The following UNC93A variants were observed in gnomAD, a reference collection of about 807,000 sequenced individuals.
UNC93A encodes unc-93 homolog A.
A neutral mutation model predicts 47.5 loss-of-function variants in UNC93A; 43 were observed. The observed-to-expected ratio is 0.91, with a 90% CI of 0.71 to 1.17. The LOEUF (loss-of-function observed/expected upper bound fraction) is 1.17, where lower values mean the gene tolerates loss of function less well. Ranked by LOEUF, UNC93A falls within the 50% of genes most tolerant of loss-of-function variation. The pLI is 0.00. For synonymous variants in UNC93A, 280 were observed against 258.0 expected (o/e 1.09, Z -0.82); for missense variants, 605 against 577.6 (o/e 1.05, Z -0.49).
At chr6:167,314,813 A>ATCT (rs1319523804) in intron 7 of UNC93A, among the ~76,000 whole-genome samples, 2 of 152,170 alleles carry the variant, frequency 1.3e-5, no homozygotes, top group African/African-American at 4.8e-5. Context: ...CTTTCTGGAC[A>ATCT]AAACCAATGC....
upstream of UNC93A, among the ~76,000 whole-genome samples, chr6:167,287,393 G>A (rs572008239): frequency 1.3e-5 from 2 of 152,266 alleles, no homozygotes; most frequent in South Asian, 4.1e-4. Flanking sequence ...ACTCCCTATC[G>A]TCCCACCTGC....
chr6:167,313,152 C>T (rs2115185659), intron 7 of UNC93A, among the ~76,000 whole-genome samples: 1 of 152,330 alleles, frequency 6.6e-6, no homozygotes, highest in African/African-American at 2.4e-5. Context: ...TGGCCTCCTC[C>T]ATTCTGTTTT....
chr6:167,309,020 G>C (rs1263479194), intron 7 of UNC93A, among the ~76,000 whole-genome samples: 1 of 152,112 alleles, frequency 6.6e-6, no homozygotes, highest in African/African-American at 2.4e-5. Flanking sequence ...AGGAGCCAGG[G>C]AGGAAGGGGC....
intron 2 of UNC93A, 25 bp downstream of exon 2, chr6:167,294,723 A>AC: frequency 3.0e-6 from 4 of 1,324,544 alleles, no homozygotes; most frequent in Non-Finnish European, 4.1e-6. Context: ...CCCCCTGCCC[A>AC]CCCCACCCCG....
At chr6:167,306,264 G>A (rs1778389893) in intron 6 of UNC93A, among the ~76,000 whole-genome samples, 1 of 152,212 alleles carries the variant, frequency 6.6e-6, no homozygotes, top group Non-Finnish European at 1.5e-5. Flanking sequence ...GGCAGGCACT[G>A]TGCTCGGCAT....
chr6:167,290,763 G>A (rs758145182), upstream of UNC93A, among the ~76,000 whole-genome samples: 2 of 152,208 alleles, frequency 1.3e-5, no homozygotes, highest in Non-Finnish European at 2.9e-5. Flanking sequence ...TAACTTTTCT[G>A]AAGCTGTTTC....
chr6:167,315,195 G>C lies in UNC93A; in HGVS notation c.1117G>C (p.Gly373Arg), dbSNP rs772759538. ...CGCTCTCTCCTCTGCAGCTCTCTAC[G>C]GCGTTCTGTTTGAGAAGAGCAAGGA... Reference protein sequence around the residue: ...VWQTQNNALYGVLFEKSKEAA... With the variant: ...VWQTQNNALYRVLFEKSKEAA... The change falls in exon 8 of 8, where the codon GGC becomes CGC. Residue 373 changes from glycine to arginine, a missense_variant. Transcript: ENST00000230256. 2.5e-6 allele frequency: 4 copies of C among 1,613,586 alleles called. No homozygotes were observed. In the South Asian group the frequency reaches 3.3e-5, roughly 13 times the overall value.
chr6:167,306,172 C>G (rs1778385911), intron 6 of UNC93A, 122 bp downstream of exon 6: 1 of 1,314,450 alleles, frequency 7.6e-7, no homozygotes, highest in South Asian at 1.3e-5. Flanking sequence ...TCAGTAACGC[C>G]CTGTAAGATG....
At chr6:167,295,668 C>T (rs561484137) in intron 2 of UNC93A, among the ~76,000 whole-genome samples, 10 of 119,026 alleles carry the variant, frequency 8.4e-5, no homozygotes, top group Admixed American at 3.1e-4. Flanking sequence ...TCGTGATCCT[C>T]GCCTGCCTCG....
At chr6:167,294,245 C>T (rs1481012371) in intron 1 of UNC93A, among the ~76,000 whole-genome samples, 2 of 152,188 alleles carry the variant, frequency 1.3e-5, no homozygotes, top group African/African-American at 2.4e-5. Flanking sequence ...GAGGCGTGAG[C>T]GGCTCTCACA....
chr6:167,275,591 T>C (rs771760249), intron 1 of UNC93A, among the ~76,000 whole-genome samples: 2 of 152,212 alleles, frequency 1.3e-5, no homozygotes, highest in Non-Finnish European at 2.9e-5. Context: ...CGTGTGTTCA[T>C]TGGCAGCATC....
At chr6:167,269,909 C>T (rs1303286714), upstream of UNC93A, among the ~76,000 whole-genome samples, 1 of 152,076 alleles carries the variant, frequency 6.6e-6, no homozygotes, top group Non-Finnish European at 1.5e-5. Context: ...GCCACTGGGC[C>T]CGGCCAATAA....
chr6:167,279,290 C>G (rs1309130930), intron 1 of UNC93A, among the ~76,000 whole-genome samples: 1 of 152,128 alleles, frequency 6.6e-6, no homozygotes, highest in African/African-American at 2.4e-5. Context: ...GACATTCTGT[C>G]CTGTCTAGTA....
chr6:167,290,407 G>A (rs113671889), upstream of UNC93A, among the ~76,000 whole-genome samples: 553 of 152,266 alleles, frequency 3.6e-3, 1 homozygote, highest in African/African-American at 6.2e-3. Flanking sequence ...ACTTACCTGC[G>A]AGATTTGCCT....
chr6:167,270,703 GA>G (rs1285700470), upstream of UNC93A, among the ~76,000 whole-genome samples: 1 of 152,206 alleles, frequency 6.6e-6, no homozygotes, highest in Non-Finnish European at 1.5e-5. Flanking sequence ...CATGGGAGGA[GA>G]GGGGAGCACG....
chr6:167,287,844 C>G (rs898192362), upstream of UNC93A, among the ~76,000 whole-genome samples: 1 of 152,148 alleles, frequency 6.6e-6, no homozygotes, highest in Non-Finnish European at 1.5e-5. Context: ...TCTCCGCACT[C>G]GGGCTCACCT....
intron 1 of UNC93A, chr6:167,271,542 T>G (rs1413918806): frequency 6.6e-6 from 1 of 152,192 alleles, no homozygotes; most frequent in Non-Finnish European, 1.5e-5. Context: ...TGGCGTGGCC[T>G]CTCAGGGCAG....
chr6:167,276,061 TTTC>T (rs374447368), intron 1 of UNC93A, among the ~76,000 whole-genome samples: 9,319 of 149,518 alleles, frequency 0.062, 579 homozygotes, highest in African/African-American at 0.16. Flanking sequence ...TTTCTTTTCT[TTTC>T]TTTTTTTTTT....
chr6:167,281,817 G>A (rs188099403), intron 1 of UNC93A, among the ~76,000 whole-genome samples: 176 of 152,312 alleles, frequency 1.2e-3, no homozygotes, highest in Admixed American at 3.6e-3. Context: ...GCCCACATCT[G>A]CAGGTGGAGC....
Sources: gnomAD v4.1 joint callset for allele counts (sites outside exome capture counted in the v4.1 genomes callset) on GRCh38, gnomAD v4.1.1 for gene constraint, MANE v1.5 for transcripts, NCBI Gene and HGNC (gene_info 2026-07-23, HGNC 2026-07-21) for gene names.